NSMCE2: variants seen among roughly 807,000 people sequenced by gnomAD.
The protein encoded by NSMCE2 is NSE2 SUMO ligase component of SMC5/6 complex, also known as E3 SUMO-protein ligase NSE2.
A neutral mutation model predicts 23.8 loss-of-function variants in NSMCE2; 24 were observed. The ratio of observed to expected loss-of-function variants is 1.01; its 90% CI spans 0.73 to 1.42. The LOEUF (loss-of-function observed/expected upper bound fraction) is 1.42. Among genes scored for constraint, NSMCE2 ranks in the 40% most tolerant of loss-of-function variants. NSMCE2 has a pLI of 0.00. For synonymous variants in NSMCE2, 92 were observed against 94.1 expected, an observed-to-expected ratio of 0.98 and a Z score of 0.13; for missense variants, 284 against 296.5, an observed-to-expected ratio of 0.96 and a Z score of 0.31.
At position 125,274,999 on chromosome 8, in the gene NSMCE2, G is replaced by GATAATA. The variant is rs72261443; in HGVS notation, c.419-82188_419-82183dup. Among the ~76,000 whole-genome samples, 1,344 of 142,386 alleles carry GATAATA rather than the reference G, an allele frequency of 9.4e-3. 14 individuals are homozygous for GATAATA. Among genetic ancestry groups the GATAATA allele is most frequent in the East Asian group, 0.031 (150 of 4,888 alleles). 93.4% of individuals were successfully genotyped at this position (142,386 alleles called of 152,430 possible). A position where few individuals can be genotyped will look rare whatever the true frequency, so the allele number is the denominator to read the frequency against. ...CAATTTTTCAGGACAATCTGAAGAT[G>GATAATA]ATAATAATAATAATAATAATAATAA... On this transcript the variant is annotated intron_variant, in intron 5 of 7. Coordinates refer to ENST00000287437, the MANE Select transcript of NSMCE2 (RefSeq NM_173685.4).
intron 5 of NSMCE2, among the ~76,000 whole-genome samples, chr8:125,312,793 G>A (rs1425302382): frequency 6.6e-6 from 1 of 152,148 alleles, no homozygotes; most frequent in Non-Finnish European, 1.5e-5. Context: ...GGATGGGGTG[G>A]GGTGAGCAGG....
intron 4 of NSMCE2, among the ~76,000 whole-genome samples, chr8:125,175,672 C>G (rs952538395): frequency 1.3e-5 from 2 of 152,088 alleles, no homozygotes; most frequent in African/African-American, 2.4e-5. Flanking sequence ...ATCCTTAGCT[C>G]CTGTGATCTC....
chr8:125,284,738 T>C (rs1827827931), intron 5 of NSMCE2, among the ~76,000 whole-genome samples: 2 of 152,212 alleles, frequency 1.3e-5, no homozygotes, highest in South Asian at 2.1e-4. Context: ...TGGGATAATA[T>C]TGAAATAACA....
chr8:125,279,487 G>A (rs992541935), intron 5 of NSMCE2, among the ~76,000 whole-genome samples: 2 of 152,176 alleles, frequency 1.3e-5, no homozygotes, highest in Non-Finnish European at 2.9e-5. Context: ...GTACTAATTA[G>A]AAGCAATTCA....
intron 3 of NSMCE2, among the ~76,000 whole-genome samples, chr8:125,139,887 CACAGAGAT>C (rs1256426885): frequency 2.6e-5 from 4 of 152,220 alleles, no homozygotes; most frequent in Admixed American, 1.3e-4. Flanking sequence ...AAAAGTAGAG[CACAGAGAT>C]ACAATTTTCA....
At position 125,104,584 on chromosome 8, in the gene NSMCE2, T is replaced by A. The variant is rs1425922816; in HGVS notation, c.157+2097T>A. On this transcript the variant is annotated intron_variant, in intron 3 of 7. Transcript: ENST00000287437. ...GTTGTTCACTTTATAGCTGTCAGTATTTGTTGCTCAGCATCTTAGGACTCA... is the reference window on the plus strand; with the variant it reads ...GTTGTTCACTTTATAGCTGTCAGTAATTGTTGCTCAGCATCTTAGGACTCA... Among the ~76,000 whole-genome samples the A allele has an allele frequency of 2.6e-5, 4 of 152,190 alleles. No individual in the cohort carries two copies. The East Asian group carries it at 7.7e-4, about 29-fold the overall frequency.
rs1237007418 is a variant in NSMCE2, at chr8:125,234,782, T to G, written c.418+52526T>G. Among the ~76,000 whole-genome samples the G allele has an allele frequency of 3.9e-5, 6 of 152,170 alleles. No individual in the cohort carries two copies. The East Asian group carries it at 1.2e-3, about 29-fold the overall frequency. On this transcript the variant is annotated intron_variant, in intron 5 of 7. Transcript: ENST00000287437. ...CTCTCAATGTAAACTTGGAGCTAGC[T>G]TTAGCCAGCTTCCTTATGGCCCTCT...
chr8:125,256,048 C>T (rs1369169959), intron 5 of NSMCE2, among the ~76,000 whole-genome samples: 2 of 152,118 alleles, frequency 1.3e-5, no homozygotes, highest in African/African-American at 4.8e-5. Context: ...CTTTGGGAGG[C>T]TGAGGCAGGT....
chr8:125,216,986 A>G (rs1191379256), intron 5 of NSMCE2, among the ~76,000 whole-genome samples: 1 of 152,230 alleles, frequency 6.6e-6, no homozygotes, highest in Non-Finnish European at 1.5e-5. Flanking sequence ...TTCAAATAGG[A>G]TGATTTGTGT....
At chr8:125,223,484 A>G (rs563174328) in intron 5 of NSMCE2, among the ~76,000 whole-genome samples, 17 of 152,180 alleles carry the variant, frequency 1.1e-4, no homozygotes, top group Non-Finnish European at 1.8e-4. Flanking sequence ...ATTTCATTTC[A>G]TTTGTATGTA....
intron 3 of NSMCE2, among the ~76,000 whole-genome samples, chr8:125,134,001 G>T (rs1319731097): frequency 3.3e-5 from 5 of 152,168 alleles, no homozygotes; most frequent in Admixed American, 3.3e-4. Flanking sequence ...TCGAGAATTT[G>T]CATTTCTAAC....
chr8:125,269,268 A>G (rs1039055122), intron 5 of NSMCE2, among the ~76,000 whole-genome samples: 21 of 152,076 alleles, frequency 1.4e-4, no homozygotes, highest in Non-Finnish European at 2.4e-4. Flanking sequence ...TTGTATTTTT[A>G]GTAAAGACAG....
Position 125,182,060 on chromosome 8 carries a change from T to C in NSMCE2, c.265-43T>C, listed in dbSNP as rs376203060. The C allele has an allele frequency of 5.6e-6, 8 of 1,423,872 alleles. No individual in the cohort carries two copies. In the South Asian group the frequency reaches 6.5e-5, roughly 12 times the overall value. The allele number at this position is 1,423,872 out of a possible 1,614,324, so 88.2% of individuals were successfully genotyped here. A position where few individuals can be genotyped will look rare whatever the true frequency, so the allele number is the denominator to read the frequency against. On this transcript the variant is annotated intron_variant, in intron 4 of 7. Transcript: ENST00000287437. ...TGTTGCAAAACTTTGTTAACACTAT[T>C]ATTATTAACATTTAACTCAGGTAAT...
chr8:125,256,268 T>G, intron 5 of NSMCE2, among the ~76,000 whole-genome samples: 4 of 136,538 alleles, frequency 2.9e-5, no homozygotes, highest in Admixed American at 7.9e-5. Flanking sequence ...GGGGACAGAG[T>G]GAGACTCCGT....
At chr8:125,149,429 A>T (rs1329208587) in intron 3 of NSMCE2, among the ~76,000 whole-genome samples, 2 of 152,196 alleles carry the variant, frequency 1.3e-5, no homozygotes, top group African/African-American at 4.8e-5. Flanking sequence ...AAAAACTGAC[A>T]TTTGTCTGCA....
chr8:125,141,943 G>A (rs765727741), intron 3 of NSMCE2, among the ~76,000 whole-genome samples: 4 of 152,046 alleles, frequency 2.6e-5, no homozygotes, highest in Admixed American at 6.6e-5. Flanking sequence ...TTGGGGGAGG[G>A]GTATGGTGTT....
intron 5 of NSMCE2, among the ~76,000 whole-genome samples, chr8:125,299,122 T>G (rs907838459): frequency 1.3e-5 from 2 of 152,182 alleles, no homozygotes; most frequent in African/African-American, 4.8e-5. Context: ...AAGTAAACCT[T>G]TGAAGTATTT....
At chr8:125,310,186 C>G (rs1052703044) in intron 5 of NSMCE2, among the ~76,000 whole-genome samples, 7 of 152,124 alleles carry the variant, frequency 4.6e-5, no homozygotes, top group Admixed American at 1.3e-4. Flanking sequence ...TAAAGGGCAC[C>G]TAGGAAGACT....
In NSMCE2 at chr8:125,346,864, A is replaced by G. The variant is rs1025288084; in HGVS notation, c.419-10355A>G. Among the ~76,000 whole-genome samples the G allele has an allele frequency of 6.8e-4, 104 of 152,216 alleles. 1 individual carries two copies. Among genetic ancestry groups the G allele is most frequent in the Non-Finnish European group, 1.9e-4 (13 of 68,046 alleles). On this transcript the variant is annotated intron_variant, in intron 5 of 7. Transcript: ENST00000287437. ...ATTAATAACATGATGTCAGCTGAGG[A>G]CAAAGGACATGTCTGCAACAACAGT...
Sources: allele counts gnomAD v4.1 joint callset (sites outside exome capture counted in the v4.1 genomes callset), GRCh38; gene constraint gnomAD v4.1.1; transcripts MANE v1.5; gene names NCBI Gene and HGNC (gene_info 2026-07-23, HGNC 2026-07-21).